PCDHA5: variants seen among roughly 807,000 people sequenced by gnomAD.
The protein encoded by PCDHA5 is protocadherin alpha 5.
In PCDHA5, 43 loss-of-function variants were observed where a neutral mutation model predicts 61.6. That is an observed-to-expected ratio of 0.70 (90% confidence interval 0.55 to 0.90). PCDHA5 has a LOEUF of 0.90. Ranked by LOEUF, PCDHA5 falls within the 40% of genes least tolerant of loss-of-function variation. The pLI is 0.00. For synonymous variants in PCDHA5, 627 were observed against 543.9 expected, an observed-to-expected ratio of 1.15 and a Z score of -2.13; for missense variants, 1,298 against 1,222.7, an observed-to-expected ratio of 1.06 and a Z score of -0.92.
Position 140,858,065 on chromosome 5 carries a change from C to T in PCDHA5, c.2352+33938C>T, listed in dbSNP as rs200661444. 1.2e-3 allele frequency: 1,989 copies of T among 1,597,646 alleles called. 147 individuals carry two copies. Among genetic ancestry groups the T allele is most frequent in the Non-Finnish European group, 1.1e-3 (1,233 of 1,167,558 alleles). Reference sequence around the variant, plus strand: ...GCTTGTGTCGCTTGTGGAGGGCAGCCAGGCACCCAAGGCCTCGTCGCGGGC... The same window carrying T: ...GCTTGTGTCGCTTGTGGAGGGCAGCTAGGCACCCAAGGCCTCGTCGCGGGC... On this transcript the variant is annotated intron_variant, in intron 1 of 3. Transcript: ENST00000529859.
chr5:140,921,634 T>C (rs1324251436), intron 1 of PCDHA5, among the ~76,000 whole-genome samples: 1 of 152,220 alleles, frequency 6.6e-6, no homozygotes, highest in Non-Finnish European at 1.5e-5. Context: ...ATCATTATGG[T>C]AGCTATTTTA....
At chr5:140,984,083 A>C (rs2097086103) in intron 3 of PCDHA5, among the ~76,000 whole-genome samples, 1 of 152,226 alleles carries the variant, frequency 6.6e-6, no homozygotes, top group South Asian at 2.1e-4. Context: ...GATGGAGTGA[A>C]GAAATGATGG....
chr5:140,862,832 C>A (rs1554157076), intron 1 of PCDHA5: 1 of 572,198 alleles, frequency 1.7e-6, no homozygotes, highest in South Asian at 1.4e-5. Context: ...GCGCGCGACG[C>A]GGGCATGCCG....
At chr5:140,964,721 C>T (rs2095851062) in intron 1 of PCDHA5, among the ~76,000 whole-genome samples, 1 of 151,598 alleles carries the variant, frequency 6.6e-6, no homozygotes, top group East Asian at 1.9e-4. Flanking sequence ...CAAATTACCA[C>T]AGCAAACTGA....
intron 1 of PCDHA5, chr5:140,836,173 T>G (rs2150254721): frequency 6.2e-7 from 1 of 1,613,820 alleles, no homozygotes; most frequent in South Asian, 1.1e-5. Context: ...GTACGTGCAG[T>G]TGACGCTGAC....
chr5:140,823,361 T>C lies in PCDHA5; in HGVS notation c.1586T>C (p.Leu529Pro), dbSNP rs2150125012. The C allele has an allele frequency of 2.5e-6, 4 of 1,612,648 alleles. No homozygotes were observed. The South Asian group carries it at 3.3e-5, about 13-fold the overall frequency. Residue 529 changes from leucine to proline, a missense_variant, in exon 1 of 4, where the codon CTG becomes CCG. By Grantham distance (98) the Leu-to-Pro change is moderately conservative. Coordinates refer to ENST00000529859, the MANE Select transcript of PCDHA5 (RefSeq NM_018908.3). ...LQPLDHEEVE[L>P]LQFQVSARDA... ...CCGCTGGACCACGAGGAAGTGGAGC[T>C]GCTGCAGTTCCAGGTGAGCGCGCGC...
Position 140,978,960 on chromosome 5 carries a change from C to G in PCDHA5, c.2364C>G (p.Pro788=), listed in dbSNP as rs560855761. The G allele has an allele frequency of 2.6e-5, 42 of 1,614,120 alleles. No homozygotes were observed. The highest frequency in any genetic ancestry group is 2.5e-4 in the African/African-American group (19 of 75,024). The change falls in exon 2 of 4, where the codon CCC becomes CCG. Residue 788 remains proline, a synonymous_variant. Coordinates refer to ENST00000529859, the MANE Select transcript of PCDHA5 (RefSeq NM_018908.3). ...TTGTGATTTTGCAGCCACGACAGCC[C>G]AACCCTGACTGGCGTTACTCTGCCT... ...GPTSTDNPRQ[P]NPDWRYSASL...
chr5:140,833,186 T>C (rs1772344367), intron 1 of PCDHA5, among the ~76,000 whole-genome samples: 1 of 152,064 alleles, frequency 6.6e-6, no homozygotes, highest in Admixed American at 6.6e-5. Flanking sequence ...ACTGCAAGGA[T>C]TAAATGAAGG....
At chr5:140,967,001 A>G (rs1048933252) in intron 1 of PCDHA5, 5 of 1,605,060 alleles carry the variant, frequency 3.1e-6, no homozygotes, top group East Asian at 2.2e-5. Flanking sequence ...TTGCTTGCGC[A>G]TCAACCATCT....
At chr5:140,842,093 G>C (rs145495287) in intron 1 of PCDHA5, 1 of 1,613,850 alleles carries the variant, frequency 6.2e-7, no homozygotes, top group Non-Finnish European at 8.5e-7. Context: ...CGCAGACAAC[G>C]GAACAACAGT....
intron 1 of PCDHA5, among the ~76,000 whole-genome samples, chr5:140,900,673 A>G (rs936784929): frequency 3.3e-5 from 5 of 152,210 alleles, no homozygotes; most frequent in African/African-American, 1.2e-4. Flanking sequence ...GAGTGCAGTT[A>G]TCTCTTCAAT....
chr5:140,916,143 T>C (rs1237563249), intron 1 of PCDHA5, among the ~76,000 whole-genome samples: 3 of 152,012 alleles, frequency 2.0e-5, no homozygotes, highest in African/African-American at 7.2e-5. Flanking sequence ...GCTGTTCAGT[T>C]GTGTTGTGGT....
At chr5:140,926,537 T>C (rs1584447910) in intron 1 of PCDHA5, 2 of 211,572 alleles carry the variant, frequency 9.5e-6, no homozygotes, top group African/African-American at 2.3e-5. Flanking sequence ...GCAGCCAGCG[T>C]GGTGGTCGAG....
intron 1 of PCDHA5, among the ~76,000 whole-genome samples, chr5:140,839,123 G>A (rs1346633787): frequency 6.6e-6 from 1 of 151,664 alleles, no homozygotes; most frequent in Admixed American, 6.6e-5. Flanking sequence ...GCCATAATAT[G>A]TCATTCACAT....
chr5:140,949,040 A>G (rs1419524123), intron 1 of PCDHA5, among the ~76,000 whole-genome samples: 1 of 151,758 alleles, frequency 6.6e-6, no homozygotes, highest in Non-Finnish European at 1.5e-5. Flanking sequence ...ATTTAAAAGT[A>G]TGTTCTAATT....
intron 1 of PCDHA5, chr5:140,967,981 G>A (rs1192553799): frequency 4.3e-6 from 7 of 1,614,084 alleles, no homozygotes; most frequent in African/African-American, 1.3e-5. Flanking sequence ...TGGGTCTGGA[G>A]GCCACACTGC....
rs141068049 is a variant in PCDHA5, at chr5:140,842,535, A to C, written c.2352+18408A>C. 7.4e-6 allele frequency: 12 copies of C among 1,612,482 alleles called. 1 individual carries two copies. The highest frequency in any genetic ancestry group is 1.0e-5 in the Non-Finnish European group (12 of 1,178,836). On this transcript the variant is annotated intron_variant, in intron 1 of 3. Coordinates refer to ENST00000529859, the MANE Select transcript of PCDHA5 (RefSeq NM_018908.3). ...CTGGTGTCCACCTTCAAGAATTACT[A>C]CTCGTTGGTGCTGGACAGCGCCCTG... is the stretch of plus-strand genomic sequence containing the variant.
intron 3 of PCDHA5, among the ~76,000 whole-genome samples, chr5:140,997,125 A>C (rs2097760835): frequency 6.6e-6 from 1 of 152,072 alleles, no homozygotes; most frequent in Admixed American, 6.6e-5. Context: ...CCACATACAC[A>C]ATGCCCCCAC....
At chr5:140,966,794 G>T in intron 1 of PCDHA5, 1 of 1,533,558 alleles carries the variant, frequency 6.5e-7, no homozygotes. Context: ...CAGACCTGCG[G>T]CGACAGAGCA....
Sources: gnomAD v4.1 joint callset for allele counts (sites outside exome capture counted in the v4.1 genomes callset) on GRCh38, gnomAD v4.1.1 for gene constraint, MANE v1.5 for transcripts, NCBI Gene and HGNC (gene_info 2026-07-23, HGNC 2026-07-21) for gene names.